ADCK1: variants seen among roughly 807,000 people sequenced by gnomAD.
ADCK1 encodes aarF domain-containing protein kinase 1.
ADCK1 carries 41 observed loss-of-function variants against 52.3 expected under a neutral mutation model. The observed-to-expected ratio is 0.78, with a 90% confidence interval of 0.61 to 1.02. The LOEUF (loss-of-function observed/expected upper bound fraction) is 1.02. Ranked by LOEUF, ADCK1 falls within the 50% of genes least tolerant of loss-of-function variation. The probability of loss-of-function intolerance (pLI) is 0.00; values close to 1 mark genes in which losing one functional copy is unlikely to be tolerated. For synonymous variants in ADCK1, 250 were observed against 274.6 expected, an observed-to-expected ratio of 0.91 and a Z score of 0.89; for missense variants, 658 against 679.5, an observed-to-expected ratio of 0.97 and a Z score of 0.35.
intron 4 of ADCK1, among the ~76,000 whole-genome samples, chr14:77,860,522 C>T (rs1454028580): frequency 6.6e-6 from 1 of 152,222 alleles, no homozygotes; most frequent in Non-Finnish European, 1.5e-5. Flanking sequence ...ATATCCTGGC[C>T]TGGAGCGGGG....
chr14:77,863,635 G>C (rs927839088), intron 4 of ADCK1, among the ~76,000 whole-genome samples: 1 of 152,046 alleles, frequency 6.6e-6, no homozygotes, highest in Non-Finnish European at 1.5e-5. Flanking sequence ...TCAAGAGTTC[G>C]AGACCAGCCT....
intron 1 of ADCK1, among the ~76,000 whole-genome samples, chr14:77,817,725 CA>C (rs1485738990): frequency 1.2e-4 from 18 of 151,846 alleles, no homozygotes; most frequent in African/African-American, 4.1e-4. Flanking sequence ...CCATTCAAGA[CA>C]AGGGGTAGTC....
intron 1 of ADCK1, among the ~76,000 whole-genome samples, chr14:77,807,644 G>A (rs540746854): frequency 7.9e-5 from 12 of 151,996 alleles, no homozygotes; most frequent in African/African-American, 2.4e-4. Flanking sequence ...CGAGTAGCTG[G>A]GATTACAGGC....
chr14:77,832,283 A>G (rs1321806528), intron 3 of ADCK1, among the ~76,000 whole-genome samples: 2 of 152,200 alleles, frequency 1.3e-5, no homozygotes, highest in Admixed American at 1.3e-4. Context: ...GCACCTGGCC[A>G]GTGATGTGAT....
chr14:77,905,218 C>T (rs2083632987), intron 6 of ADCK1, among the ~76,000 whole-genome samples: 1 of 151,420 alleles, frequency 6.6e-6, no homozygotes, highest in Admixed American at 6.6e-5. Context: ...GGGGAAACCG[C>T]AGTACACCCA....
intron 4 of ADCK1, among the ~76,000 whole-genome samples, chr14:77,884,825 C>T (rs1042656620): frequency 3.0e-4 from 45 of 152,350 alleles, no homozygotes; most frequent in Middle Eastern, 3.4e-3. Flanking sequence ...ACCTGTATAT[C>T]TCTGAACTAA....
At chr14:77,873,896 A>C (rs1379197629) in intron 4 of ADCK1, among the ~76,000 whole-genome samples, 1 of 152,242 alleles carries the variant, frequency 6.6e-6, no homozygotes, top group Non-Finnish European at 1.5e-5. Flanking sequence ...CAGTGTGAGA[A>C]CAGAATAATA....
chr14:77,831,859 A>G (rs1185691344), intron 3 of ADCK1, among the ~76,000 whole-genome samples: 1 of 152,238 alleles, frequency 6.6e-6, no homozygotes, highest in Admixed American at 6.5e-5. Context: ...GTAAGGGGCT[A>G]AGGTCGGGTG....
chr14:77,870,309 C>T (rs2082750021), intron 4 of ADCK1, among the ~76,000 whole-genome samples: 1 of 152,198 alleles, frequency 6.6e-6, no homozygotes, highest in Non-Finnish European at 1.5e-5. Flanking sequence ...CTATGCAGCT[C>T]CTAGCCCTGC....
chr14:77,823,522 A>G (rs1049556097), intron 3 of ADCK1, among the ~76,000 whole-genome samples: 2 of 152,160 alleles, frequency 1.3e-5, no homozygotes, highest in East Asian at 3.9e-4. Flanking sequence ...TTCAGAAACT[A>G]TCAACATTTT....
intron 4 of ADCK1, among the ~76,000 whole-genome samples, chr14:77,870,779 A>G (rs1266401467): frequency 6.6e-6 from 1 of 152,142 alleles, no homozygotes; most frequent in East Asian, 1.9e-4. Flanking sequence ...CATGCCTTCT[A>G]GGACTGCCAC....
At chr14:77,909,473 G>A (rs1292147639) in intron 7 of ADCK1, among the ~76,000 whole-genome samples, 1 of 152,156 alleles carries the variant, frequency 6.6e-6, no homozygotes, top group Non-Finnish European at 1.5e-5. Flanking sequence ...ATGTCCACAG[G>A]CAGTGCATGA....
chr14:77,884,957 T>C (rs1230416553), intron 4 of ADCK1, among the ~76,000 whole-genome samples: 1 of 152,204 alleles, frequency 6.6e-6, no homozygotes, highest in Admixed American at 6.5e-5. Flanking sequence ...TTTGGATTCA[T>C]AGGAATGTGG....
chr14:77,857,165 G>T (rs2082436231), intron 3 of ADCK1, among the ~76,000 whole-genome samples: 2 of 151,714 alleles, frequency 1.3e-5, no homozygotes, highest in South Asian at 4.2e-4. Flanking sequence ...GAGCAGCAGC[G>T]ATCTGGGCGT....
At chr14:77,898,990 C>G in intron 5 of ADCK1, 110 bp from the exon 6 acceptor site, 1 of 1,435,712 alleles carries the variant, frequency 7.0e-7, no homozygotes, top group Non-Finnish European at 9.5e-7. Flanking sequence ...GAGGGATGGG[C>G]CCCAGGGGAG....
chr14:77,894,951 C>G (rs1331765336), intron 5 of ADCK1, among the ~76,000 whole-genome samples: 1 of 151,948 alleles, frequency 6.6e-6, no homozygotes, highest in Non-Finnish European at 1.5e-5. Flanking sequence ...TGGGGTTTCC[C>G]CATGTTGGCC....
chr14:77,921,231 G>A (rs1393563498), intron 7 of ADCK1, among the ~76,000 whole-genome samples: 1 of 148,140 alleles, frequency 6.8e-6, no homozygotes, highest in African/African-American at 2.5e-5. Flanking sequence ...GGAGGCTGAG[G>A]CAGGAGAATG....
chr14:77,883,744 A>T (rs1229482433), intron 4 of ADCK1, among the ~76,000 whole-genome samples: 1 of 152,106 alleles, frequency 6.6e-6, no homozygotes, highest in Non-Finnish European at 1.5e-5. Flanking sequence ...TCCGGTGCCC[A>T]GTGAGGGGTG....
chr14:77,867,084 C>T (rs868032903), intron 4 of ADCK1, among the ~76,000 whole-genome samples: 3 of 152,244 alleles, frequency 2.0e-5, no homozygotes, highest in Non-Finnish European at 2.9e-5. Flanking sequence ...CCCCCTGGAG[C>T]GCCCTGGCTG....
Sources: gnomAD v4.1 joint callset for allele counts (sites outside exome capture counted in the v4.1 genomes callset) on GRCh38, gnomAD v4.1.1 for gene constraint, MANE v1.5 for transcripts, NCBI Gene and HGNC (gene_info 2026-07-23, HGNC 2026-07-21) for gene names.